The following FAM204A variants were observed in gnomAD, a reference collection of about 807,000 sequenced individuals.
The protein encoded by FAM204A is protein FAM204A.
In FAM204A, 16 loss-of-function variants were observed where a neutral mutation model predicts 35.4. The ratio of observed to expected loss-of-function variants is 0.45; its 90% CI spans 0.31 to 0.69. The LOEUF (loss-of-function observed/expected upper bound fraction) is 0.69, where lower values mean the gene tolerates loss of function less well. FAM204A is among the 30% of genes least tolerant of loss of function. The pLI, the probability that FAM204A is intolerant of heterozygous loss-of-function variation, is 0.07. For synonymous variants in FAM204A, 76 were observed against 86.9 expected (o/e 0.88, Z 0.70); for missense variants, 240 against 265.7 (o/e 0.90, Z 0.67).
At chr10:118,334,409 T>G (rs927976427) in intron 6 of FAM204A, among the ~76,000 whole-genome samples, 1 of 152,324 alleles carries the variant, frequency 6.6e-6, no homozygotes. Flanking sequence ...ACGCCTCAAA[T>G]CCATCCACTT....
rs900716258 is a variant in FAM204A at position 118,309,093 on chromosome 10, T to C, written c.*1764A>G. The C allele has an allele frequency of 2.6e-5, 4 of 152,188 alleles. No individual in the cohort carries two copies. Among genetic ancestry groups the C allele is most frequent in the Non-Finnish European group, 4.4e-5 (3 of 68,036 alleles). 9.4% of individuals were successfully genotyped at this position (152,188 alleles called of 1,614,324 possible). A position where few individuals can be genotyped will look rare whatever the true frequency, so the allele number is the denominator to read the frequency against. On this transcript the variant is annotated 3_prime_UTR_variant, in exon 9 of 9. Coordinates refer to ENST00000369183, the MANE Select transcript of FAM204A (RefSeq NM_022063.3). ...AGTCTGTATTTACCTAATTTAGCAGTTTGAAATGAATATTGTAGGTAAGTT... is the reference window on the plus strand; with the variant it reads ...AGTCTGTATTTACCTAATTTAGCAGCTTGAAATGAATATTGTAGGTAAGTT...
In FAM204A at chr10:118,315,863, C is replaced by T. The variant is rs576075832; in HGVS notation, c.544-4550G>A. Among the ~76,000 whole-genome samples, 8 of 152,216 alleles carry T rather than the reference C, an allele frequency of 5.3e-5. No homozygotes were observed. The East Asian group carries it at 9.7e-4, about 18-fold the overall frequency. On this transcript the variant is annotated intron_variant, in intron 7 of 8. Transcript: ENST00000369183. The stretch of plus-strand genomic sequence containing the variant: ...TTCATTCTTATCAGAACAAAGCCAG[C>T]GGCAGCTTATTTCATGGATCATTGG...
intron 7 of FAM204A, chr10:118,322,515 G>A (rs974165749): frequency 1.4e-5 from 4 of 288,418 alleles, no homozygotes. Context: ...GAAATATTAA[G>A]GTCCTGAGAA....
rs1041427283 is a variant in FAM204A, at chr10:118,308,343, G to A, written c.*2514C>T. 1.3e-5 allele frequency: 2 copies of A among 152,294 alleles called. No individual in the cohort carries two copies. Among genetic ancestry groups the A allele is most frequent in the African/African-American group, 4.8e-5 (2 of 41,558 alleles). The allele number at this position is 152,294 out of a possible 1,614,324, so 9.4% of individuals were successfully genotyped here. A position where few individuals can be genotyped will look rare whatever the true frequency, so the allele number is the denominator to read the frequency against. ...ACCAAAGTTATTACTGATCCAAAAA[G>A]AATCCTTATTTTGCTGTGACTAGAA... On this transcript the variant is annotated 3_prime_UTR_variant, in exon 9 of 9. Coordinates refer to ENST00000369183, the MANE Select transcript of FAM204A (RefSeq NM_022063.3).
At position 118,308,533 on chromosome 10, in the gene FAM204A, C is replaced by G. The variant is rs558932447; in HGVS notation, c.*2324G>C. On this transcript the variant is annotated 3_prime_UTR_variant, in exon 9 of 9. Coordinates refer to ENST00000369183, the MANE Select transcript of FAM204A (RefSeq NM_022063.3). ...GACAACCTGTCCCCACAAATCTTCC[C>G]TCCAACCCCTTCTTCTGCTACACAT... 6.6e-6 allele frequency: 1 copy of G among 152,210 alleles called. No individual in the cohort carries two copies. 9.4% of individuals were successfully genotyped at this position (152,210 alleles called of 1,614,324 possible).
At chr10:118,329,383 A>G (rs182144009) in intron 6 of FAM204A, among the ~76,000 whole-genome samples, 1 of 152,262 alleles carries the variant, frequency 6.6e-6, no homozygotes, top group Non-Finnish European at 1.5e-5. Flanking sequence ...ATGCTTTCTC[A>G]ACCCCATCTT....
rs200544676 is a variant in FAM204A, at chr10:118,327,182, A to T, written c.454-939T>A. ...ACAGTTAATACTCTACCTCTTACAG[A>T]CTTCTCCTCCTTATTTCATAACAGA... On this transcript the variant is annotated intron_variant, in intron 6 of 8. Transcript: ENST00000369183. 3.9e-5 allele frequency among the ~76,000 whole-genome samples: 6 copies of T among 152,186 alleles called. No homozygotes were observed. In the East Asian group the frequency reaches 1.2e-3, roughly 29 times the overall value.
chr10:118,322,287 G>A (rs1400512295), intron 7 of FAM204A: 10 of 454,342 alleles, frequency 2.2e-5, no homozygotes, highest in Non-Finnish European at 4.4e-5. Flanking sequence ...TCACAGTGGA[G>A]AAATCTGGAG....
intron 6 of FAM204A, among the ~76,000 whole-genome samples, chr10:118,326,507 TTAA>T: frequency 6.6e-6 from 1 of 152,192 alleles, no homozygotes; most frequent in Non-Finnish European, 1.5e-5. Context: ...ATGCTTTCCC[TTAA>T]TAACAACAAT....
At chr10:118,327,263 G>C (rs1279351187) in intron 6 of FAM204A, among the ~76,000 whole-genome samples, 1 of 152,128 alleles carries the variant, frequency 6.6e-6, no homozygotes, top group South Asian at 2.1e-4. Flanking sequence ...AATCAACTGA[G>C]AGAATTTTGT....
At chr10:118,322,578 C>T (rs114495213) in intron 7 of FAM204A, among the ~76,000 whole-genome samples, 2,084 of 151,886 alleles carry the variant, frequency 0.014, 40 homozygotes, top group African/African-American at 0.046. Context: ...AGAAACATGA[C>T]GACAAAATGC....
intron 6 of FAM204A, among the ~76,000 whole-genome samples, chr10:118,331,440 A>C (rs1318398768): frequency 6.6e-6 from 1 of 152,250 alleles, no homozygotes; most frequent in African/African-American, 2.4e-5. Context: ...CGAAGTATCT[A>C]ACCCACGAGG....
At chr10:118,333,774 G>A (rs1330506921) in intron 6 of FAM204A, among the ~76,000 whole-genome samples, 2 of 152,030 alleles carry the variant, frequency 1.3e-5, no homozygotes, top group African/African-American at 4.8e-5. Flanking sequence ...TAATTTATAT[G>A]GATGAATATA....
At chr10:118,334,591 T>A (rs570592981) in intron 6 of FAM204A, among the ~76,000 whole-genome samples, 1 of 152,334 alleles carries the variant, frequency 6.6e-6, no homozygotes, top group South Asian at 2.1e-4. Context: ...CTTAAAAGCC[T>A]TTATGACTCT....
chr10:118,320,557 T>A (rs538333958), intron 7 of FAM204A, among the ~76,000 whole-genome samples: 1 of 150,792 alleles, frequency 6.6e-6, no homozygotes, highest in Non-Finnish European at 1.5e-5. Context: ...TTTATACACA[T>A]ACACACACAC....
intron 6 of FAM204A, 55 bp from the exon 7 acceptor site, chr10:118,326,298 A>G: frequency 7.0e-7 from 1 of 1,424,618 alleles, no homozygotes; most frequent in Admixed American, 1.8e-5. Context: ...AACATTTGCT[A>G]GCCAAGACCA....
chr10:118,315,098 T>C (rs913496049), intron 7 of FAM204A, among the ~76,000 whole-genome samples: 1 of 152,098 alleles, frequency 6.6e-6, no homozygotes, highest in African/African-American at 2.4e-5. Flanking sequence ...TACAGCCACT[T>C]GGAAGATTTG....
intron 7 of FAM204A, among the ~76,000 whole-genome samples, chr10:118,323,504 G>A (rs1402371890): frequency 6.6e-6 from 1 of 152,060 alleles, no homozygotes; most frequent in Non-Finnish European, 1.5e-5. Context: ...TAGATATTCA[G>A]ACCAGACTGC....
In FAM204A at chr10:118,302,226, G is replaced by A. The variant is rs1466239532; in HGVS notation, c.*8631C>T. On this transcript the variant is annotated 3_prime_UTR_variant, in exon 9 of 9. Coordinates refer to ENST00000369183, the MANE Select transcript of FAM204A (RefSeq NM_022063.3). The stretch of plus-strand genomic sequence containing the variant: ...GCCAGACACATCACAAGCCTTCAAT[G>A]CATTTATTGAAATAATGAGAAAAGG... The A allele has an allele frequency of 6.6e-6, 1 of 152,172 alleles. No individual in the cohort carries two copies. Among genetic ancestry groups the A allele is most frequent in the African/African-American group, 2.4e-5 (1 of 41,452 alleles). The allele number at this position is 152,172 out of a possible 1,614,324, so 9.4% of individuals were successfully genotyped here. A position where few individuals can be genotyped will look rare whatever the true frequency, so the allele number is the denominator to read the frequency against.
Sources: allele counts gnomAD v4.1 joint callset (sites outside exome capture counted in the v4.1 genomes callset), GRCh38; gene constraint gnomAD v4.1.1; transcripts MANE v1.5; gene names NCBI Gene and HGNC (gene_info 2026-07-23, HGNC 2026-07-21).